The following LSAMP variants were observed in gnomAD, a reference collection of about 807,000 sequenced individuals.
LSAMP encodes limbic system-associated membrane protein.
Under a neutral mutation model 38.6 loss-of-function variants are expected in LSAMP, and 7 were observed. The observed-to-expected ratio is 0.18, with a 90% CI of 0.10 to 0.34. LSAMP has a LOEUF of 0.34. Among genes scored for constraint, LSAMP ranks in the 10% least tolerant of loss-of-function variants. The pLI is 1.00. For missense variants in LSAMP, 313 were observed against 420.0 expected (o/e 0.75, Z 2.23); for synonymous variants, 154 against 166.8 (o/e 0.92, Z 0.59).
intron 1 of LSAMP, among the ~76,000 whole-genome samples, chr3:116,398,427 G>A (rs2048797224): frequency 6.6e-6 from 1 of 152,016 alleles, no homozygotes; most frequent in Non-Finnish European, 1.5e-5. Context: ...GGCTCCGTAG[G>A]TATTCAAATA....
intron 2 of LSAMP, among the ~76,000 whole-genome samples, chr3:116,058,230 A>T (rs1275430696): frequency 1.3e-5 from 2 of 152,256 alleles, no homozygotes; most frequent in African/African-American, 2.4e-5. Context: ...GTAACATTTT[A>T]ATCCTCAGTT....
At chr3:116,115,950 T>G (rs888081996) in intron 1 of LSAMP, among the ~76,000 whole-genome samples, 3 of 151,996 alleles carry the variant, frequency 2.0e-5, no homozygotes, top group Non-Finnish European at 4.4e-5. Context: ...TTTCAATCCT[T>G]TCAACCTGGA....
At chr3:116,256,346 C>T (rs770876483) in intron 1 of LSAMP, among the ~76,000 whole-genome samples, 8 of 152,118 alleles carry the variant, frequency 5.3e-5, no homozygotes, top group Middle Eastern at 3.2e-3. Context: ...TGCACACAAG[C>T]GTGGAAAGAT....
Position 115,808,889 on chromosome 3 carries a change from T to C in LSAMP, c.*1428A>G, listed in dbSNP as rs1434434891. 6.6e-6 allele frequency: 1 copy of C among 152,232 alleles called. No homozygotes were observed. The highest frequency in any genetic ancestry group is 1.5e-5 in the Non-Finnish European group (1 of 68,050). 9.4% of individuals were successfully genotyped at this position (152,232 alleles called of 1,614,324 possible). On this transcript the variant is annotated 3_prime_UTR_variant, in exon 7 of 7. Transcript: ENST00000490035. ...GGGCATCTGTTGACTTTTTCTGCCT[T>C]GCTCACTTTCACTGTATTTTATCTG...
intron 1 of LSAMP, among the ~76,000 whole-genome samples, chr3:116,236,096 C>T (rs2046462915): frequency 6.6e-6 from 1 of 151,846 alleles, no homozygotes; most frequent in African/African-American, 2.4e-5. Context: ...AATGATGAGA[C>T]ACAATGGAGC....
At chr3:116,345,825 T>C (rs1446146653) in intron 1 of LSAMP, among the ~76,000 whole-genome samples, 1 of 152,130 alleles carries the variant, frequency 6.6e-6, no homozygotes, top group Non-Finnish European at 1.5e-5. Context: ...CTCAGGCTCT[T>C]ATGTGATAAA....
chr3:116,443,800 G>C (rs1369483125), intron 1 of LSAMP, among the ~76,000 whole-genome samples: 1 of 152,182 alleles, frequency 6.6e-6, no homozygotes, highest in Non-Finnish European at 1.5e-5. Context: ...TCCAAGGAGA[G>C]TGATTCTTTC....
intron 3 of LSAMP, among the ~76,000 whole-genome samples, chr3:115,902,243 T>C (rs1288546740): frequency 2.0e-5 from 3 of 152,052 alleles, no homozygotes; most frequent in African/African-American, 4.8e-5. Flanking sequence ...ACTATTATTC[T>C]ATAATAAACT....
chr3:116,158,453 T>C (rs1435365767), intron 1 of LSAMP, among the ~76,000 whole-genome samples: 1 of 152,196 alleles, frequency 6.6e-6, no homozygotes, highest in Non-Finnish European at 1.5e-5. Context: ...AACACCATAG[T>C]ATCTGCCCAA....
intron 1 of LSAMP, among the ~76,000 whole-genome samples, chr3:116,393,934 G>A (rs1234648350): frequency 2.6e-5 from 4 of 152,188 alleles, no homozygotes; most frequent in Non-Finnish European, 5.9e-5. Flanking sequence ...CGAGGATTTT[G>A]CTGCATCACT....
At chr3:116,128,018 G>T (rs1204072291) in intron 1 of LSAMP, among the ~76,000 whole-genome samples, 1 of 152,050 alleles carries the variant, frequency 6.6e-6, no homozygotes, top group African/African-American at 2.4e-5. Context: ...AGGTGATTGG[G>T]ACCCTTGGAG....
At position 115,903,710 on chromosome 3, in the gene LSAMP, T is replaced by A. The variant is rs1395598808; in HGVS notation, c.515-51093A>T. On this transcript the variant is annotated intron_variant, in intron 3 of 6. Transcript: ENST00000490035. Reference sequence around the variant, plus strand: ...GGTAAGTTAGCCTCTGATAAAAATGTATCTCTAAAAGGAACAATTTTACAG... The same window carrying A: ...GGTAAGTTAGCCTCTGATAAAAATGAATCTCTAAAAGGAACAATTTTACAG... 2.0e-5 allele frequency among the ~76,000 whole-genome samples: 3 copies of A among 152,256 alleles called. No individual in the cohort carries two copies. In the East Asian group the frequency reaches 5.8e-4, roughly 29 times the overall value.
At chr3:115,852,336 A>G (rs1194381789) in intron 4 of LSAMP, 147 bp downstream of exon 4, 7 of 823,516 alleles carry the variant, frequency 8.5e-6, no homozygotes, top group Non-Finnish European at 1.2e-5. Flanking sequence ...CTGCCCTTGG[A>G]TGTGTTCAAT....
At chr3:115,986,220 G>T (rs1939505274) in intron 3 of LSAMP, among the ~76,000 whole-genome samples, 2 of 152,150 alleles carry the variant, frequency 1.3e-5, no homozygotes, top group South Asian at 4.1e-4. Flanking sequence ...TATTAAGGGT[G>T]GGGCTCAAGG....
At chr3:116,290,774 A>G (rs1357333486) in intron 1 of LSAMP, among the ~76,000 whole-genome samples, 1 of 143,742 alleles carries the variant, frequency 7.0e-6, no homozygotes, top group Non-Finnish European at 1.5e-5. Context: ...TAATAATAAT[A>G]AAATAAACTT....
intron 1 of LSAMP, among the ~76,000 whole-genome samples, chr3:116,141,361 G>C (rs1478564673): frequency 2.0e-5 from 3 of 151,770 alleles, no homozygotes; most frequent in Non-Finnish European, 2.9e-5. Context: ...ATGGAGGGGG[G>C]ATTGCTTCAG....
At chr3:115,907,699 A>G (rs564099409) in intron 3 of LSAMP, among the ~76,000 whole-genome samples, 1 of 152,310 alleles carries the variant, frequency 6.6e-6, no homozygotes, top group South Asian at 2.1e-4. Context: ...CAAATAATTG[A>G]GAAATGGTTT....
chr3:115,914,548 C>T (rs1040142074), intron 3 of LSAMP, among the ~76,000 whole-genome samples: 22 of 152,202 alleles, frequency 1.4e-4, no homozygotes, highest in Admixed American at 1.4e-3. Flanking sequence ...AATCTCTCTT[C>T]CCTATTGCGA....
At chr3:116,078,531 T>C (rs1707801145) in intron 2 of LSAMP, among the ~76,000 whole-genome samples, 1 of 152,094 alleles carries the variant, frequency 6.6e-6, no homozygotes, top group South Asian at 2.1e-4. Context: ...TTTCACCGTG[T>C]TAGCCAGGAT....
Sources: allele counts gnomAD v4.1 joint callset (sites outside exome capture counted in the v4.1 genomes callset), GRCh38; gene constraint gnomAD v4.1.1; transcripts MANE v1.5; gene names NCBI Gene and HGNC (gene_info 2026-07-23, HGNC 2026-07-21).